The following ZNF431 variants were observed in gnomAD, a reference collection of about 807,000 sequenced individuals.
ZNF431 encodes zinc finger protein 431.
ZNF431 carries 34 observed loss-of-function variants against 57.0 expected under a neutral mutation model. The ratio of observed to expected loss-of-function variants is 0.60; its 90% CI spans 0.45 to 0.79. The LOEUF (loss-of-function observed/expected upper bound fraction) is 0.79, where lower values mean the gene tolerates loss of function less well. Ranked by LOEUF, ZNF431 falls within the 30% of genes least tolerant of loss-of-function variation. The probability of loss-of-function intolerance (pLI) is 0.00; values close to 1 mark genes in which losing one functional copy is unlikely to be tolerated. For missense variants in ZNF431, 607 were observed against 667.1 expected (o/e 0.91, Z 0.99); for synonymous variants, 207 against 220.3 (o/e 0.94, Z 0.54).
At chr19:21,182,357 T>C (rs1027104419) in intron 4 of ZNF431, among the ~76,000 whole-genome samples, 1 of 152,230 alleles carries the variant, frequency 6.6e-6, no homozygotes, top group African/African-American at 2.4e-5. Flanking sequence ...GTAACAGACT[T>C]TTCTTTTTCT....
intron 4 of ZNF431, chr19:21,175,449 C>T (rs1272517305): frequency 4.3e-6 from 3 of 693,822 alleles, no homozygotes; most frequent in African/African-American, 3.5e-5. Context: ...ATTTTATGTT[C>T]CAGGATACAT....
At chr19:21,161,919 G>A (rs1970577993) in intron 2 of ZNF431, among the ~76,000 whole-genome samples, 1 of 152,122 alleles carries the variant, frequency 6.6e-6, no homozygotes, top group South Asian at 2.1e-4. Context: ...CTCCCAAAGT[G>A]TTGGGATTAC....
chr19:21,174,722 ATTTCTT>A (rs1198976008), intron 4 of ZNF431, among the ~76,000 whole-genome samples: 2 of 151,982 alleles, frequency 1.3e-5, no homozygotes, highest in East Asian at 1.9e-4. Flanking sequence ...AAGGCATCTT[ATTTCTT>A]TTTCTTTTTA....
Position 21,194,185 on chromosome 19 carries a change from A to G in ZNF431, c.*10151A>G, listed in dbSNP as rs1971563297. The G allele has an allele frequency of 6.6e-6, 1 of 152,252 alleles. No individual in the cohort carries two copies. The highest frequency in any genetic ancestry group is 2.1e-4 in the South Asian group (1 of 4,834). The allele number at this position is 152,252 out of a possible 1,614,324, so 9.4% of individuals were successfully genotyped here. ...TCTCAGGATACAAAATTGATATACA[A>G]AAATGAATAGCATTGCCTTACACCA... On this transcript the variant is annotated 3_prime_UTR_variant, in exon 5 of 5. Transcript: ENST00000311048.
Position 21,158,067 on chromosome 19 carries a change from A to G in ZNF431, c.97-8268A>G, listed in dbSNP as rs543716128. On this transcript the variant is annotated intron_variant, in intron 2 of 4. Coordinates refer to ENST00000311048, the MANE Select transcript of ZNF431 (RefSeq NM_133473.4). ...TTTTAAAATAGTTATTTTTTAGTTA[A>G]CAGCGTTTTGGTAGTTTGATACAAA... 2.2e-4 allele frequency among the ~76,000 whole-genome samples: 34 copies of G among 152,282 alleles called. 2 individuals carry two copies. The South Asian group carries it at 7.0e-3, about 32-fold the overall frequency.
intron 2 of ZNF431, among the ~76,000 whole-genome samples, chr19:21,163,593 C>T (rs1443896231): frequency 6.6e-6 from 1 of 152,166 alleles, no homozygotes; most frequent in Non-Finnish European, 1.5e-5. Flanking sequence ...ACGATCTCGT[C>T]TCACTGCAAC....
intron 2 of ZNF431, among the ~76,000 whole-genome samples, chr19:21,152,406 T>G (rs1352069458): frequency 1.3e-5 from 2 of 152,090 alleles, no homozygotes; most frequent in Non-Finnish European, 2.9e-5. Flanking sequence ...AGTTTTCCCT[T>G]TTGGACAAGA....
chr19:21,156,836 G>T (rs1254466835), intron 2 of ZNF431, among the ~76,000 whole-genome samples: 1 of 151,980 alleles, frequency 6.6e-6, no homozygotes, highest in Non-Finnish European at 1.5e-5. Flanking sequence ...GTGCAGTGGT[G>T]CAATCTTGAC....
chr19:21,180,583 G>A (rs1320155343), intron 4 of ZNF431, among the ~76,000 whole-genome samples: 7 of 147,284 alleles, frequency 4.8e-5, no homozygotes, highest in Non-Finnish European at 9.0e-5. Flanking sequence ...TTACGCAAAC[G>A]TATTCTTGGG....
At chr19:21,144,484 A>G (rs1166034621) in intron 2 of ZNF431, among the ~76,000 whole-genome samples, 2 of 152,152 alleles carry the variant, frequency 1.3e-5, no homozygotes. Context: ...GATTGCAGGC[A>G]TGAGCCACTG....
chr19:21,156,946 T>G (rs1393906167), intron 2 of ZNF431, among the ~76,000 whole-genome samples: 1 of 152,096 alleles, frequency 6.6e-6, no homozygotes, highest in African/African-American at 2.4e-5. Flanking sequence ...AGCTAACTTC[T>G]TTTTCTATCT....
chr19:21,166,534 T>C, intron 3 of ZNF431, 73 bp downstream of exon 3: 2 of 1,513,176 alleles, frequency 1.3e-6, no homozygotes, highest in Non-Finnish European at 1.8e-6. Flanking sequence ...TAGAATTTTT[T>C]TGATAATTTA....
chr19:21,165,040 C>T (rs941105268), intron 2 of ZNF431, among the ~76,000 whole-genome samples: 11 of 137,680 alleles, frequency 8.0e-5, no homozygotes, highest in African/African-American at 2.5e-4. Flanking sequence ...ACCTGGGAGA[C>T]GGAGGTTGTG....
In ZNF431 at chr19:21,192,702, T is replaced by A. The variant is rs765515495; in HGVS notation, c.*8668T>A. 1.2e-4 allele frequency: 18 copies of A among 152,174 alleles called. No individual in the cohort carries two copies. Among genetic ancestry groups the A allele is most frequent in the Non-Finnish European group, 2.1e-4 (14 of 68,032 alleles). 9.4% of individuals were successfully genotyped at this position (152,174 alleles called of 1,614,324 possible). A position where few individuals can be genotyped will look rare whatever the true frequency, so the allele number is the denominator to read the frequency against. ...GTAAAAGCTTACAACATATCCCTGT[T>A]TAGTATGTTGTTAGCAGTTTTTTTG... On this transcript the variant is annotated 3_prime_UTR_variant, in exon 5 of 5. Coordinates refer to ENST00000311048, the MANE Select transcript of ZNF431 (RefSeq NM_133473.4).
intron 2 of ZNF431, among the ~76,000 whole-genome samples, chr19:21,152,305 A>C: frequency 6.6e-6 from 1 of 152,210 alleles, no homozygotes; most frequent in East Asian, 1.9e-4. Flanking sequence ...GTCCAGAGAA[A>C]GACCTACTCA....
Position 21,142,069 on chromosome 19 carries a change from T to TC in ZNF431, c.-111dup, listed in dbSNP as rs1445239776. ...CTCGCCGCAGCCTGAGCTCCAGGTC[T>TC]CCCCTTCGCTGCTCTGTGTCCTCTG... On this transcript the variant is annotated 5_prime_UTR_variant, in exon 1 of 5. Transcript: ENST00000311048. The TC allele has an allele frequency of 2.2e-6, 3 of 1,390,106 alleles. No homozygotes were observed. The highest frequency in any genetic ancestry group is 1.4e-5 in the African/African-American group (1 of 70,612). The allele number at this position is 1,390,106 out of a possible 1,614,324, so 86.1% of individuals were successfully genotyped here.
chr19:21,150,499 T>A (rs1176783177), intron 2 of ZNF431: 1 of 191,102 alleles, frequency 5.2e-6, no homozygotes, highest in Non-Finnish European at 1.1e-5. Flanking sequence ...AGTTTCAGCG[T>A]GGAGCCCAGG....
At chr19:21,145,198 C>T (rs925731983) in intron 2 of ZNF431, among the ~76,000 whole-genome samples, 1 of 152,112 alleles carries the variant, frequency 6.6e-6, no homozygotes, top group Non-Finnish European at 1.5e-5. Flanking sequence ...AAAGGCCCAC[C>T]TATGCGGTGG....
In ZNF431 at chr19:21,189,984, A is replaced by G. The variant is rs1489011214; in HGVS notation, c.*5950A>G. The G allele has an allele frequency of 2.5e-6, 1 of 396,820 alleles. No individual in the cohort carries two copies. Among genetic ancestry groups the G allele is most frequent in the East Asian group, 3.6e-5 (1 of 28,044 alleles). 24.6% of individuals were successfully genotyped at this position (396,820 alleles called of 1,614,324 possible). A position where few individuals can be genotyped will look rare whatever the true frequency, so the allele number is the denominator to read the frequency against. Reference sequence around the variant, plus strand: ...CGTGGAAAAACCCCATCTCTACTAAAAATACAAAAACAACAAAACAAAAAC... The same window carrying G: ...CGTGGAAAAACCCCATCTCTACTAAGAATACAAAAACAACAAAACAAAAAC... On this transcript the variant is annotated 3_prime_UTR_variant, in exon 5 of 5. Coordinates refer to ENST00000311048, the MANE Select transcript of ZNF431 (RefSeq NM_133473.4).
Sources: gnomAD v4.1 joint callset for allele counts (sites outside exome capture counted in the v4.1 genomes callset) on GRCh38, gnomAD v4.1.1 for gene constraint, MANE v1.5 for transcripts, NCBI Gene and HGNC (gene_info 2026-07-23, HGNC 2026-07-21) for gene names.